The following IP6K3 variants were observed in gnomAD, a reference collection of about 807,000 sequenced individuals.
The protein encoded by IP6K3 is ATP:1D-myo-inositol-hexakisphosphate phosphotransferase.
IP6K3 carries 20 observed loss-of-function variants against 28.8 expected under a neutral mutation model. That is an observed-to-expected ratio of 0.70 (90% confidence interval 0.49 to 1.01). The LOEUF (loss-of-function observed/expected upper bound fraction) is 1.01. IP6K3 is among the 50% of genes least tolerant of loss of function. The pLI, the probability that IP6K3 is intolerant of heterozygous loss-of-function variation, is 0.00. For missense variants in IP6K3, 480 were observed against 537.1 expected (o/e 0.89, Z 1.05); for synonymous variants, 213 against 221.3 (o/e 0.96, Z 0.33).
chr6:33,758,867 G>A, the IP6K3 span, among the ~76,000 whole-genome samples: 11 of 152,276 alleles, frequency 7.2e-5, no homozygotes, highest in East Asian at 2.1e-3. Flanking sequence ...CCAAAGTGCT[G>A]GGATTACAGG....
chr6:33,754,692 C>G, the IP6K3 span, among the ~76,000 whole-genome samples: 2 of 152,192 alleles, frequency 1.3e-5, no homozygotes, highest in African/African-American at 2.4e-5. Context: ...ATGGCCCCAT[C>G]TCTGCCCCAG....
chr6:33,741,796 A>G (rs1766734104), intron 1 of IP6K3, among the ~76,000 whole-genome samples: 1 of 149,562 alleles, frequency 6.7e-6, no homozygotes, highest in African/African-American at 2.5e-5. Flanking sequence ...TACTAAAAAT[A>G]CAAAATTAGC....
chr6:33,727,986 C>T (rs1246072430), intron 3 of IP6K3, 101 bp downstream of exon 3: 4 of 1,498,778 alleles, frequency 2.7e-6, no homozygotes, highest in Non-Finnish European at 3.5e-6. Context: ...TTTTTCTCAG[C>T]ACCAGCCTTA....
the IP6K3 span, among the ~76,000 whole-genome samples, chr6:33,753,467 G>C: frequency 2.0e-5 from 3 of 152,108 alleles, no homozygotes; most frequent in African/African-American, 7.2e-5. Context: ...GCTGGGCCTT[G>C]AAGGACTCCT....
At chr6:33,735,734 A>G in intron 1 of IP6K3, 79 bp from the exon 2 acceptor site, 2 of 683,336 alleles carry the variant, frequency 2.9e-6, no homozygotes, top group Non-Finnish European at 2.3e-6. Flanking sequence ...AAGGGCCCAC[A>G]CAGCCTCGAC....
Position 33,742,769 on chromosome 6 carries a change from G to A in IP6K3, c.-180+3989C>T, listed in dbSNP as rs1766772907. Among the ~76,000 whole-genome samples the A allele has an allele frequency of 6.6e-6, 1 of 152,138 alleles. No individual in the cohort carries two copies. Among genetic ancestry groups the A allele is most frequent in the African/African-American group, 2.4e-5 (1 of 41,416 alleles). On this transcript the variant is annotated intron_variant, in intron 1 of 5. Coordinates refer to ENST00000293756, the MANE Select transcript of IP6K3 (RefSeq NM_054111.5). This position sits in a 1 kb window ranked among gnomAD's most constrained non-coding sequence, Gnocchi z 4.5. Reference sequence around the variant, plus strand: ...TATAATGAGTATTGCATAGGGACTGGTAGGGAAAAAACTGTGTTGACAAAT... The same window carrying A: ...TATAATGAGTATTGCATAGGGACTGATAGGGAAAAAACTGTGTTGACAAAT...
the IP6K3 span, among the ~76,000 whole-genome samples, chr6:33,753,023 A>G: frequency 6.6e-6 from 1 of 152,304 alleles, no homozygotes; most frequent in South Asian, 2.1e-4. Flanking sequence ...GGCTCACTGC[A>G]GGGCTCAAGT....
rs1228302952 is a variant in IP6K3, at chr6:33,723,002, A to G, written c.951T>C (p.Ser317=). The change falls in exon 6 of 6, where the codon AGT becomes AGC. Residue 317 remains serine, a synonymous_variant. Transcript: ENST00000293756. The part of the protein sequence containing the change: ...RALLSVIRSQ[S]SYRFYSSSLL... Reference sequence around the variant, plus strand: ...GAGAGCTGGAATAGAAGCGGTATGAACTCTGGCTCCTAATGACAGAGAGGA... The same window carrying G: ...GAGAGCTGGAATAGAAGCGGTATGAGCTCTGGCTCCTAATGACAGAGAGGA... 6.2e-7 allele frequency: 1 copy of G among 1,613,890 alleles called. No individual in the cohort carries two copies.
chr6:33,725,611 A>G lies in IP6K3; in HGVS notation c.595T>C (p.Leu199=). The G allele has an allele frequency of 6.2e-7, 1 of 1,613,878 alleles. No individual in the cohort carries two copies. The highest frequency in any genetic ancestry group is 8.5e-7 in the Non-Finnish European group (1 of 1,179,772). ...TGTGACACTACATTTTCCAGCAACA[A>G]GAACCCTAGTCACACTAAGTTAAGG... is the stretch of plus-strand genomic sequence containing the variant. The part of the protein sequence containing the change: ...EYPENKRHRF[L]LLENVVSQYT... Residue 199 remains leucine, a synonymous_variant, in exon 5 of 6, where the codon TTG becomes CTG. Coordinates refer to ENST00000293756, the MANE Select transcript of IP6K3 (RefSeq NM_054111.5).
chr6:33,730,764 G>A (rs965727456), intron 2 of IP6K3, among the ~76,000 whole-genome samples: 1 of 152,192 alleles, frequency 6.6e-6, no homozygotes, highest in Non-Finnish European at 1.5e-5. Context: ...TCGGTGTGGG[G>A]TGGAGCTCTG....
chr6:33,726,980 G>T, intron 3 of IP6K3, 74 bp from the exon 4 acceptor site: 1 of 1,439,742 alleles, frequency 6.9e-7, no homozygotes, highest in Non-Finnish European at 9.4e-7. Context: ...GGCTGACTGG[G>T]CTCTCTGAGA....
chr6:33,723,091 G>C lies in IP6K3; in HGVS notation c.862C>G (p.Leu288Val). ...CTCCGGAGGTGGCTTCCATTATGTA[G>C]GAACTGATAGAGGGCTTGTCTGAAC... Reference protein sequence around the residue: ...EGFRQALYQFLHNGSHLRREL... With the variant: ...EGFRQALYQFVHNGSHLRREL... Residue 288 changes from leucine (L) to valine (V), a missense_variant, in exon 6 of 6, where the codon CTA becomes GTA. Coordinates refer to ENST00000293756, the MANE Select transcript of IP6K3 (RefSeq NM_054111.5). 1 of 1,614,066 alleles carries C rather than the reference G, an allele frequency of 6.2e-7. No individual in the cohort carries two copies. The highest frequency in any genetic ancestry group is 2.2e-5 in the East Asian group (1 of 44,898).
chr6:33,754,434 G>A, the IP6K3 span, among the ~76,000 whole-genome samples: 1 of 152,198 alleles, frequency 6.6e-6, no homozygotes, highest in African/African-American at 2.4e-5. Flanking sequence ...CTTCAGGGCC[G>A]CTAAAGTAAT....
At chr6:33,737,516 T>C (rs1234025349) in intron 1 of IP6K3, among the ~76,000 whole-genome samples, 1 of 152,224 alleles carries the variant, frequency 6.6e-6, no homozygotes, top group African/African-American at 2.4e-5. Context: ...GCTGGATTCA[T>C]GCACAGCAGT....
At chr6:33,759,068 A>C in the IP6K3 span, among the ~76,000 whole-genome samples, 2 of 152,256 alleles carry the variant, frequency 1.3e-5, no homozygotes, top group East Asian at 3.8e-4. Flanking sequence ...TGGGCCCGTT[A>C]AATCCTCCTA....
At chr6:33,741,075 T>A (rs1264658285) in intron 1 of IP6K3, among the ~76,000 whole-genome samples, 1 of 152,188 alleles carries the variant, frequency 6.6e-6, no homozygotes, top group Non-Finnish European at 1.5e-5. Context: ...GTGGGTGCCA[T>A]GTGTTACTTC....
chr6:33,752,370 G>A, the IP6K3 span, among the ~76,000 whole-genome samples: 137 of 152,294 alleles, frequency 9.0e-4, no homozygotes, highest in Non-Finnish European at 1.7e-3. Flanking sequence ...AAGAGAACAG[G>A]CTGCCACCTG....
the IP6K3 span, among the ~76,000 whole-genome samples, chr6:33,758,918 G>A: frequency 3.9e-5 from 6 of 152,106 alleles, no homozygotes; most frequent in African/African-American, 1.4e-4. Context: ...TTACATTAAA[G>A]GAAATATAAT....
At chr6:33,748,965 C>T (rs138083596), upstream of IP6K3, among the ~76,000 whole-genome samples, 26 of 152,124 alleles carry the variant, frequency 1.7e-4, 1 homozygote, top group African/African-American at 6.0e-4. Context: ...TCTGTCCCTC[C>T]CCCTGCCCAG....
Sources: gnomAD v4.1 joint callset for allele counts (sites outside exome capture counted in the v4.1 genomes callset) on GRCh38, gnomAD v4.1.1 for gene constraint, Gnocchi (gnomAD v3.1) non-coding constraint, MANE v1.5 for transcripts, NCBI Gene and HGNC (gene_info 2026-07-23, HGNC 2026-07-21) for gene names.